The following OTOA variants were observed in gnomAD, a reference collection of about 807,000 sequenced individuals.
The protein encoded by OTOA is cancer/testis antigen 108.
A neutral mutation model predicts 110.8 loss-of-function variants in OTOA; 70 were observed. That is an observed-to-expected ratio of 0.63 (90% CI 0.52 to 0.77). The LOEUF (loss-of-function observed/expected upper bound fraction) is 0.77, where lower values mean the gene tolerates loss of function less well. Among genes scored for constraint, OTOA ranks in the 30% least tolerant of loss-of-function variants. The pLI is 0.00. For missense variants in OTOA, 917 were observed against 1,075.8 expected (o/e 0.85, Z 2.06); for synonymous variants, 373 against 431.5 (o/e 0.86, Z 1.68).
chr16:21,685,249 T>C lies in OTOA; in HGVS notation c.287T>C (p.Leu96Pro). 6.2e-7 allele frequency: 1 copy of C among 1,612,350 alleles called. No homozygotes were observed. The highest frequency in any genetic ancestry group is 8.5e-7 in the Non-Finnish European group (1 of 1,178,852). The change falls in exon 7 of 29, where the codon CTG becomes CCG. Residue 96 changes from leucine (L) to proline (P), a missense_variant. Transcript: ENST00000646100. ...ATACAGGCAGCCGTGGAAAACCACC[T>C]GGAGCAGCGTCTGCACCAGCCCCAG... ...PSLQAAVENH[L>P]EQRLHQPQKL...
chr16:21,703,219 T>C (rs944121405), intron 11 of OTOA, among the ~76,000 whole-genome samples: 11 of 152,166 alleles, frequency 7.2e-5, no homozygotes, highest in African/African-American at 2.7e-4. Context: ...CCTATTTTCC[T>C]ATTTAACTGA....
intron 13 of OTOA, 100 bp downstream of exon 13, chr16:21,710,203 T>C (rs1597830061): frequency 8.4e-7 from 1 of 1,193,878 alleles, no homozygotes; most frequent in Non-Finnish European, 1.2e-6. Flanking sequence ...TTGAGTGACG[T>C]AAACAACATA....
intron 6 of OTOA, among the ~76,000 whole-genome samples, chr16:21,683,681 G>A (rs1289383280): frequency 6.6e-6 from 1 of 151,802 alleles, no homozygotes; most frequent in Non-Finnish European, 1.5e-5. Context: ...ATTTCAGCCT[G>A]GGCAACAGAG....
Position 21,697,861 on chromosome 16 carries a change from AT to A in OTOA, c.828del (p.Ser277ValfsTer3), listed in dbSNP as rs751447996. The A allele has an allele frequency of 1.9e-4, 314 of 1,613,708 alleles. No homozygotes were observed. Among genetic ancestry groups the A allele is most frequent in the Non-Finnish European group, 2.5e-4 (297 of 1,179,794 alleles). ...VHLSFEEITK[I>X]SPIEIGLFIS... ...CCTATCGTTTGAAGAAATTACGAAA[AT>A]TAGTCCTATAGAAGTAAGTTGGAAA... On this transcript the variant is annotated frameshift_variant, in exon 10 of 29. Transcript: ENST00000646100. LOFTEE classifies it high-confidence loss of function.
At chr16:21,684,735 A>G (rs1264990829) in intron 6 of OTOA, among the ~76,000 whole-genome samples, 1 of 46,836 alleles carries the variant, frequency 2.1e-5, no homozygotes, top group Non-Finnish European at 5.4e-5. Flanking sequence ...TATTATTATT[A>G]TTATTATTAT....
chr16:21,756,343 C>T (rs1431730426), intron 27 of OTOA, among the ~76,000 whole-genome samples: 1 of 152,068 alleles, frequency 6.6e-6, no homozygotes. Flanking sequence ...GGAGCCCTCA[C>T]AGAGCTCATC....
At chr16:21,678,716 G>A (rs904711923) in intron 2 of OTOA, 111 bp downstream of exon 2, 3 of 1,162,204 alleles carry the variant, frequency 2.6e-6, no homozygotes, top group African/African-American at 3.0e-5. Context: ...GGCTGTGTGT[G>A]TGTGCATGTA....
intron 12 of OTOA, 65 bp from the exon 13 acceptor site, chr16:21,709,823 T>G: frequency 7.2e-7 from 1 of 1,397,880 alleles, no homozygotes; most frequent in Non-Finnish European, 1.0e-6. Flanking sequence ...TAGCCCTGGA[T>G]ATGGTCAGAG....
chr16:21,724,625 C>T lies in OTOA; in HGVS notation c.1880+1647C>T, dbSNP rs189219510. Among the ~76,000 whole-genome samples, 285 of 152,224 alleles carry T rather than the reference C, an allele frequency of 1.9e-3. 2 individuals are homozygous for T. Among genetic ancestry groups the T allele is most frequent in the African/African-American group, 6.7e-3 (277 of 41,530 alleles). Reference sequence around the variant, plus strand: ...GAAGGGAGACAGCTGAAGATTATTTCAGTAACCCAGATCTTGGCATGGCAC... The same window carrying T: ...GAAGGGAGACAGCTGAAGATTATTTTAGTAACCCAGATCTTGGCATGGCAC... On this transcript the variant is annotated intron_variant, in intron 18 of 28. Transcript: ENST00000646100.
intron 17 of OTOA, chr16:21,721,178 G>A: frequency 2.5e-6 from 1 of 406,096 alleles, no homozygotes; most frequent in Middle Eastern, 8.0e-4. Context: ...GCCTCCTAAA[G>A]TGCTGGGATT....
chr16:21,665,065 A>C (rs983801226), intron 1 of OTOA, among the ~76,000 whole-genome samples: 3 of 152,194 alleles, frequency 2.0e-5, no homozygotes, highest in African/African-American at 7.2e-5. Flanking sequence ...TGCCATGCCT[A>C]CTATGCAGAG....
Position 21,719,466 on chromosome 16 carries a change from G to T in OTOA, c.1768G>T (p.Asp590Tyr). 1 of 1,614,054 alleles carries T rather than the reference G, an allele frequency of 6.2e-7. No homozygotes were observed. The highest frequency in any genetic ancestry group is 8.5e-7 in the Non-Finnish European group (1 of 1,180,016). Residue 590 changes from aspartate (D) to tyrosine (Y), a missense_variant, in exon 17 of 29, where the codon GAT becomes TAT. This residue lies in a region of OTOA where 840 missense variants were observed against 910.2 expected (regional missense o/e 0.92). Transcript: ENST00000646100. ...STDFFLAHFQ[D>Y]FQNNFALLSP... ...TGACTTCTTTCTGGCCCATTTCCAG[G>T]ATTTTCAGAACAACTTCGCCCTGCT...
chr16:21,681,631 A>G, intron 5 of OTOA, 107 bp from the exon 6 acceptor site: 2 of 873,104 alleles, frequency 2.3e-6, no homozygotes, highest in Non-Finnish European at 3.9e-6. Flanking sequence ...ACAAAGTCCT[A>G]ACACCCCTGG....
chr16:21,681,915 A>C lies in OTOA; in HGVS notation c.267+90A>C, dbSNP rs1251484301. 2 of 1,182,680 alleles carry C rather than the reference A, an allele frequency of 1.7e-6. 1 individual carries two copies. The highest frequency in any genetic ancestry group is 3.0e-5 in the African/African-American group (2 of 66,546). The allele number at this position is 1,182,680 out of a possible 1,614,324, so 73.3% of individuals were successfully genotyped here. On this transcript the variant is annotated intron_variant, in intron 6 of 28. Transcript: ENST00000646100. Reference sequence around the variant, plus strand: ...CAGGTAAGTTGGAGAAGTGGGCTGGATGTAGAGATAGTCTTTGCTTCTGCA... The same window carrying C: ...CAGGTAAGTTGGAGAAGTGGGCTGGCTGTAGAGATAGTCTTTGCTTCTGCA...
intron 28 of OTOA, among the ~76,000 whole-genome samples, chr16:21,760,170 C>T (rs1213290859): frequency 6.6e-6 from 1 of 151,912 alleles, no homozygotes; most frequent in Non-Finnish European, 1.5e-5. Context: ...GGGAGAGATG[C>T]TTAAAATACA....
Position 21,731,195 on chromosome 16 carries a change from C to T in OTOA, c.2301+265C>T, listed in dbSNP as rs564872458. ...CAGATATTACTTAGCTACCACTCTGCTATTAGTGTGCATCTCACACGCACG... is the reference window on the plus strand; with the variant it reads ...CAGATATTACTTAGCTACCACTCTGTTATTAGTGTGCATCTCACACGCACG... On this transcript the variant is annotated intron_variant, in intron 21 of 28. Transcript: ENST00000646100. Among the ~76,000 whole-genome samples, 3 of 152,336 alleles carry T rather than the reference C, an allele frequency of 2.0e-5. No individual in the cohort carries two copies. In the South Asian group the frequency reaches 6.2e-4, roughly 32 times the overall value.
At chr16:21,670,650 A>G (rs1597801792) in intron 1 of OTOA, among the ~76,000 whole-genome samples, 1 of 152,350 alleles carries the variant, frequency 6.6e-6, no homozygotes, top group East Asian at 1.9e-4. Context: ...CTCAGAGCAT[A>G]GAATAATGCC....
intron 12 of OTOA, among the ~76,000 whole-genome samples, chr16:21,707,913 C>A (rs939968513): frequency 1.1e-4 from 17 of 151,608 alleles, no homozygotes; most frequent in Middle Eastern, 3.4e-3. Context: ...TCTGCCTCAG[C>A]CTCCTGAGTA....
intron 28 of OTOA, among the ~76,000 whole-genome samples, chr16:21,758,136 C>G: frequency 6.6e-6 from 1 of 151,860 alleles, no homozygotes; most frequent in East Asian, 1.9e-4. Context: ...ATCCTGGGAA[C>G]ATGGCCTTCT....
Sources: allele counts gnomAD v4.1 joint callset (sites outside exome capture counted in the v4.1 genomes callset), GRCh38; gene constraint gnomAD v4.1.1; regional missense constraint gnomAD v4.1.1; transcripts MANE v1.5; gene names NCBI Gene and HGNC (gene_info 2026-07-23, HGNC 2026-07-21).